Variants in MACROD2 observed in about 807,000 individuals in gnomAD.
The protein encoded by MACROD2 is mono-ADP ribosylhydrolase 2.
In MACROD2, 36 loss-of-function variants were observed where a neutral mutation model predicts 70.4. That is an observed-to-expected ratio of 0.51 (90% confidence interval 0.39 to 0.68). The LOEUF (loss-of-function observed/expected upper bound fraction) is 0.68, where lower values mean the gene tolerates loss of function less well. MACROD2 is among the 30% of genes least tolerant of loss of function. The pLI is 0.00. For missense variants in MACROD2, 496 were observed against 538.4 expected (o/e 0.92, Z 0.78); for synonymous variants, 172 against 178.8 (o/e 0.96, Z 0.30).
At chr20:15,169,942 ATCT>A (rs893258472) in intron 5 of MACROD2, among the ~76,000 whole-genome samples, 4 of 152,250 alleles carry the variant, frequency 2.6e-5, no homozygotes, top group African/African-American at 9.6e-5. Flanking sequence ...CATCAACATA[ATCT>A]TCTTTGTTGG....
chr20:14,854,171 T>C (rs2073228699), intron 5 of MACROD2, among the ~76,000 whole-genome samples: 1 of 152,168 alleles, frequency 6.6e-6, no homozygotes, highest in African/African-American at 2.4e-5. Flanking sequence ...GATAGCTTTC[T>C]AGCACATCCA....
At chr20:14,339,854 G>T (rs2082995617) in intron 3 of MACROD2, among the ~76,000 whole-genome samples, 1 of 152,092 alleles carries the variant, frequency 6.6e-6, no homozygotes, top group African/African-American at 2.4e-5. Context: ...ACTGACTTTG[G>T]GGGCAAACTC....
chr20:15,162,385 A>G (rs1164231243), intron 5 of MACROD2, among the ~76,000 whole-genome samples: 2 of 152,186 alleles, frequency 1.3e-5, no homozygotes, highest in African/African-American at 4.8e-5. Flanking sequence ...AGATGTTTGC[A>G]TAAAGTTAGA....
chr20:14,602,231 C>T (rs1295156751), intron 4 of MACROD2, among the ~76,000 whole-genome samples: 2 of 152,222 alleles, frequency 1.3e-5, no homozygotes, highest in Non-Finnish European at 2.9e-5. Flanking sequence ...ACCGAAGAGG[C>T]CAGGCTCCTC....
At chr20:15,213,525 C>A (rs965899106) in intron 5 of MACROD2, among the ~76,000 whole-genome samples, 2 of 151,956 alleles carry the variant, frequency 1.3e-5, no homozygotes, top group African/African-American at 4.8e-5. Flanking sequence ...CAGTCAAGAA[C>A]TGTGACAGAG....
intron 4 of MACROD2, among the ~76,000 whole-genome samples, chr20:14,653,273 C>T (rs1021966472): frequency 1.3e-4 from 19 of 147,644 alleles, no homozygotes; most frequent in Non-Finnish European, 2.1e-4. Context: ...GGCTGGAGTG[C>T]AGTGGCACAA....
intron 5 of MACROD2, among the ~76,000 whole-genome samples, chr20:15,141,390 A>G (rs911463660): frequency 6.6e-6 from 1 of 151,900 alleles, no homozygotes; most frequent in Non-Finnish European, 1.5e-5. Flanking sequence ...ACATATAGAT[A>G]TACACGTGTT....
intron 6 of MACROD2, among the ~76,000 whole-genome samples, chr20:15,274,836 G>A (rs1316870816): frequency 2.0e-5 from 3 of 152,218 alleles, no homozygotes; most frequent in African/African-American, 7.2e-5. Context: ...AATTGAGAAT[G>A]TTCTGAGTTT....
At chr20:15,889,275 C>T (rs889689358) in intron 10 of MACROD2, among the ~76,000 whole-genome samples, 7 of 152,102 alleles carry the variant, frequency 4.6e-5, no homozygotes, top group African/African-American at 7.2e-5. Flanking sequence ...TCAAGTCAGC[C>T]GCAGCACAGC....
intron 7 of MACROD2, among the ~76,000 whole-genome samples, chr20:15,439,986 C>T (rs1276279810): frequency 6.6e-5 from 10 of 152,068 alleles, no homozygotes; most frequent in African/African-American, 2.2e-4. Context: ...AGATCTCAGG[C>T]GTGCTTTCTG....
rs1488736694 is a variant in MACROD2, at chr20:14,700,553, G to GTA, written c.418+15595_418+15596insAT. On this transcript the variant is annotated intron_variant, in intron 5 of 17. Coordinates refer to ENST00000684519, the MANE Select transcript of MACROD2 (RefSeq NM_001351661.2). ...TGTGTGTGTGTGTGTGTGTGTGTGT[G>GTA]TGTGTAATAGATGTGCCAGATAACT... Among the ~76,000 whole-genome samples, 93 of 146,198 alleles carry GTA rather than the reference G, an allele frequency of 6.4e-4. 1 individual carries two copies. Among genetic ancestry groups the GTA allele is most frequent in the African/African-American group, 2.2e-3 (89 of 40,098 alleles).
chr20:14,761,433 C>G (rs1198358652), intron 5 of MACROD2, among the ~76,000 whole-genome samples: 1 of 152,118 alleles, frequency 6.6e-6, no homozygotes, highest in Non-Finnish European at 1.5e-5. Flanking sequence ...TGATTGCCAG[C>G]ATCATACCCC....
At chr20:14,996,815 C>A (rs1332885857) in intron 5 of MACROD2, among the ~76,000 whole-genome samples, 1 of 152,146 alleles carries the variant, frequency 6.6e-6, no homozygotes, top group Non-Finnish European at 1.5e-5. Context: ...TCAGCCCTGG[C>A]CAAAGGGGAA....
At chr20:15,245,364 T>A (rs115868522) in intron 6 of MACROD2, among the ~76,000 whole-genome samples, 1,916 of 152,280 alleles carry the variant, frequency 0.013, 42 homozygotes, top group African/African-American at 0.042. Flanking sequence ...GGGATGCTGT[T>A]ATGGCACTCA....
chr20:14,695,039 CCTCTCT>C (rs112334570), intron 5 of MACROD2, among the ~76,000 whole-genome samples: 1 of 149,958 alleles, frequency 6.7e-6, no homozygotes, highest in Non-Finnish European at 1.5e-5. Flanking sequence ...CTGTGGTTTC[CCTCTCT>C]CTCTCTCTCT....
intron 4 of MACROD2, among the ~76,000 whole-genome samples, chr20:14,672,327 G>T (rs73102514): frequency 0.076 from 11,585 of 152,186 alleles, 493 homozygotes; most frequent in Middle Eastern, 0.17. Context: ...TAGTTCACAT[G>T]GGAGCTAAGC....
chr20:14,840,033 C>CTTTTTT (rs71190154), intron 5 of MACROD2, among the ~76,000 whole-genome samples: 12 of 142,492 alleles, frequency 8.4e-5, no homozygotes, highest in Non-Finnish European at 1.1e-4. Flanking sequence ...GTCTCCATGT[C>CTTTTTT]TTTTTTTTTT....
At chr20:14,005,520 A>G (rs1354093974) in intron 2 of MACROD2, among the ~76,000 whole-genome samples, 2 of 151,878 alleles carry the variant, frequency 1.3e-5, no homozygotes, top group Non-Finnish European at 2.9e-5. Flanking sequence ...ATGGTGCCTT[A>G]TGGGTTGGTG....
At chr20:15,529,626 GA>G (rs150366478) in intron 8 of MACROD2, among the ~76,000 whole-genome samples, 2,479 of 150,366 alleles carry the variant, frequency 0.016, 65 homozygotes, top group African/African-American at 0.057. Flanking sequence ...TAAGTGAATT[GA>G]AAAAAAAATC....
Sources: allele counts gnomAD v4.1 joint callset (sites outside exome capture counted in the v4.1 genomes callset), GRCh38; gene constraint gnomAD v4.1.1; transcripts MANE v1.5; gene names NCBI Gene and HGNC (gene_info 2026-07-23, HGNC 2026-07-21).